SLC71A2: variants seen among roughly 807,000 people sequenced by gnomAD.
The protein encoded by SLC71A2 is hippocampus abundant transcript-like 1.
At chr9:94,428,015 G>A in the SLC71A2 span, among the ~76,000 whole-genome samples, 12 of 151,964 alleles carry the variant, frequency 7.9e-5, no homozygotes, top group Admixed American at 4.6e-4. Flanking sequence ...CCAGCTACTC[G>A]GGAGGATGAG....
At chr9:94,401,880 G>C in the SLC71A2 span, among the ~76,000 whole-genome samples, 1 of 152,192 alleles carries the variant, frequency 6.6e-6, no homozygotes, top group Non-Finnish European at 1.5e-5. Flanking sequence ...CCTGAGGGCT[G>C]CTGGTGCCCA....
At chr9:94,386,583 T>TTC in the SLC71A2 span, among the ~76,000 whole-genome samples, 16 of 151,418 alleles carry the variant, frequency 1.1e-4, no homozygotes, top group African/African-American at 3.6e-4. Context: ...ATCTCTGGGC[T>TTC]TCTCTCTCTC....
chr9:94,459,303 A>C, the SLC71A2 span: 1 of 1,614,182 alleles, frequency 6.2e-7, no homozygotes, highest in South Asian at 1.1e-5. Flanking sequence ...AGCCTGACCA[A>C]CACCCCAGAA....
chr9:94,414,699 A>G, the SLC71A2 span, among the ~76,000 whole-genome samples: 510 of 152,202 alleles, frequency 3.4e-3, 3 homozygotes, highest in Non-Finnish European at 5.8e-3. Context: ...TTGCTATGTC[A>G]CCCAGGTTGG....
chr9:94,442,662 C>T, the SLC71A2 span, among the ~76,000 whole-genome samples: 1 of 148,604 alleles, frequency 6.7e-6, no homozygotes. Flanking sequence ...ACCATCCTGG[C>T]CAACATGGTG....
chr9:94,413,398 A>G, the SLC71A2 span, among the ~76,000 whole-genome samples: 2 of 152,150 alleles, frequency 1.3e-5, no homozygotes, highest in Non-Finnish European at 2.9e-5. Context: ...GGTTTTTGCA[A>G]CTTTTCTGTA....
At chr9:94,391,978 A>G in the SLC71A2 span, among the ~76,000 whole-genome samples, 1 of 151,700 alleles carries the variant, frequency 6.6e-6, no homozygotes, top group Non-Finnish European at 1.5e-5. Context: ...TTGGCTTCCC[A>G]ACGTGTTGGG....
the SLC71A2 span, chr9:94,451,458 C>T: frequency 2.6e-6 from 4 of 1,533,094 alleles, no homozygotes; most frequent in East Asian, 7.1e-5. Flanking sequence ...TTCCATAGGT[C>T]ATAGGTTTTG....
At chr9:94,406,826 A>G in the SLC71A2 span, among the ~76,000 whole-genome samples, 1 of 152,130 alleles carries the variant, frequency 6.6e-6, no homozygotes, top group Non-Finnish European at 1.5e-5. Flanking sequence ...TTAGGGTCTT[A>G]TGAGATCTTG....
chr9:94,457,020 G>T, the SLC71A2 span, among the ~76,000 whole-genome samples: 2 of 149,100 alleles, frequency 1.3e-5, no homozygotes, highest in Non-Finnish European at 3.0e-5. Context: ...AGGCTGGAGT[G>T]TAGTGGTACA....
the SLC71A2 span, among the ~76,000 whole-genome samples, chr9:94,375,457 T>C: frequency 6.6e-6 from 1 of 151,738 alleles, no homozygotes; most frequent in Non-Finnish European, 1.5e-5. Flanking sequence ...GTTTTACTTT[T>C]GCTTGAGGTC....
chr9:94,398,008 C>T, the SLC71A2 span, among the ~76,000 whole-genome samples: 2 of 151,766 alleles, frequency 1.3e-5, no homozygotes, highest in Non-Finnish European at 2.9e-5. Flanking sequence ...TATATTCCAC[C>T]TACTTGGGGG....
the SLC71A2 span, among the ~76,000 whole-genome samples, chr9:94,453,003 C>T: frequency 6.6e-5 from 10 of 151,944 alleles, no homozygotes; most frequent in Non-Finnish European, 1.5e-4. Context: ...AAAACTACTA[C>T]ATTTGACAAG....
the SLC71A2 span, chr9:94,459,489 G>A: frequency 1.7e-5 from 26 of 1,524,752 alleles, no homozygotes; most frequent in Non-Finnish European, 3.6e-6. Flanking sequence ...TGACTTCATG[G>A]TGCTGGATGG....
chr9:94,447,506 A>G, the SLC71A2 span, among the ~76,000 whole-genome samples: 1 of 147,136 alleles, frequency 6.8e-6, no homozygotes, highest in East Asian at 2.0e-4. Flanking sequence ...TTTTTTAAAT[A>G]GACTATTTTT....
the SLC71A2 span, among the ~76,000 whole-genome samples, chr9:94,424,548 T>G: frequency 6.6e-6 from 1 of 152,036 alleles, no homozygotes; most frequent in Non-Finnish European, 1.5e-5. Flanking sequence ...ATATCTTGTA[T>G]AAATTCCTTA....
chr9:94,433,250 C>G, the SLC71A2 span: 2 of 198,546 alleles, frequency 1.0e-5, no homozygotes, highest in Admixed American at 1.1e-4. Flanking sequence ...TCGCTCTGTC[C>G]CACACTGGCA....
At chr9:94,379,422 CTG>C in the SLC71A2 span, among the ~76,000 whole-genome samples, 36,356 of 133,854 alleles carry the variant, frequency 0.27, 6,446 homozygotes, top group East Asian at 0.55. Flanking sequence ...AGGCCTCACT[CTG>C]TCATCCAGGC....
chr9:94,401,876 G>A, the SLC71A2 span, among the ~76,000 whole-genome samples: 9,388 of 152,172 alleles, frequency 0.062, 381 homozygotes, highest in Middle Eastern at 0.13. Flanking sequence ...CAGCCCTGAG[G>A]GCTGCTGGTG....
Sources: gnomAD v4.1 joint callset for allele counts (sites outside exome capture counted in the v4.1 genomes callset) on GRCh38, gnomAD v4.1.1 for gene constraint, MANE v1.5 for transcripts, NCBI Gene and HGNC (gene_info 2026-07-23, HGNC 2026-07-21) for gene names.